TAFA5: variants seen among roughly 807,000 people sequenced by gnomAD.
TAFA5 encodes TAFA chemokine like family member 5.
Under a neutral mutation model 15.3 loss-of-function variants are expected in TAFA5, and 6 were observed. The ratio of observed to expected loss-of-function variants is 0.39; its 90% CI spans 0.21 to 0.77. The LOEUF is 0.77. TAFA5 is among the 30% of genes least tolerant of loss of function. The probability of loss-of-function intolerance (pLI) is 0.41; values close to 1 mark genes in which losing one functional copy is unlikely to be tolerated. For synonymous variants in TAFA5, 103 were observed against 80.7 expected (o/e 1.28, Z -1.48); for missense variants, 161 against 193.1 (o/e 0.83, Z 0.98).
intron 1 of TAFA5, chr22:48,539,385 C>T (rs1922281042): frequency 2.1e-6 from 1 of 471,060 alleles, no homozygotes; most frequent in Non-Finnish European, 4.4e-6. Context: ...GGGCGGTGAT[C>T]ACTCTGAAGT....
At chr22:48,498,329 G>A (rs1920936726) in intron 1 of TAFA5, among the ~76,000 whole-genome samples, 1 of 151,978 alleles carries the variant, frequency 6.6e-6, no homozygotes, top group Non-Finnish European at 1.5e-5. Flanking sequence ...TGCAAGCCTA[G>A]GGGTGGGGCT....
rs566216405 is a variant in TAFA5, at chr22:48,602,072, A to G, written c.113-44525A>G. ...CTGGCACCAGCCTTCATCAAGGGCA[A>G]CTACAGGACCCTCTGGGTGGTGCGA... On this transcript the variant is annotated intron_variant, in intron 1 of 3. Transcript: ENST00000402357. Among the ~76,000 whole-genome samples the G allele has an allele frequency of 4.4e-3, 663 of 152,234 alleles. 8 individuals carry two copies. Among genetic ancestry groups the G allele is most frequent in the Non-Finnish European group, 6.5e-3 (440 of 68,014 alleles).
chr22:48,559,784 G>C (rs940978258), intron 1 of TAFA5, among the ~76,000 whole-genome samples: 6 of 152,120 alleles, frequency 3.9e-5, no homozygotes, highest in Admixed American at 2.0e-4. Context: ...GGAGCAGAGG[G>C]GACAAACCCA....
intron 2 of TAFA5, among the ~76,000 whole-genome samples, chr22:48,674,982 C>T (rs1462530754): frequency 6.6e-6 from 1 of 151,832 alleles, no homozygotes; most frequent in East Asian, 1.9e-4. Context: ...GCTCTGTCAC[C>T]CAGGCTTGGA....
At chr22:48,712,490 G>A (rs1309216875) in intron 3 of TAFA5, among the ~76,000 whole-genome samples, 1 of 152,240 alleles carries the variant, frequency 6.6e-6, no homozygotes, top group Non-Finnish European at 1.5e-5. Context: ...TGTCAGGAGG[G>A]TGAGCGCCCG....
At chr22:48,746,578 G>C (rs926517513) in intron 3 of TAFA5, among the ~76,000 whole-genome samples, 4 of 152,230 alleles carry the variant, frequency 2.6e-5, no homozygotes, top group Non-Finnish European at 5.9e-5. Flanking sequence ...GGAAGTGGGT[G>C]TGTGTTTACA....
chr22:48,669,395 G>A (rs1927729782), intron 2 of TAFA5, among the ~76,000 whole-genome samples: 1 of 152,308 alleles, frequency 6.6e-6, no homozygotes, highest in South Asian at 2.1e-4. Flanking sequence ...CCCCTTTCAA[G>A]CCCAGCCCAC....
intron 1 of TAFA5, among the ~76,000 whole-genome samples, chr22:48,573,958 G>A (rs943629091): frequency 2.6e-5 from 4 of 152,148 alleles, no homozygotes; most frequent in South Asian, 2.1e-4. Context: ...GAAGACCCCC[G>A]AGTCCTCTGA....
At chr22:48,605,007 G>A (rs962063051) in intron 1 of TAFA5, among the ~76,000 whole-genome samples, 2 of 151,248 alleles carry the variant, frequency 1.3e-5, no homozygotes, top group Non-Finnish European at 1.5e-5. Flanking sequence ...AGATCTTGGC[G>A]GTGTTGATGG....
intron 1 of TAFA5, among the ~76,000 whole-genome samples, chr22:48,611,741 C>T (rs1233054826): frequency 6.6e-6 from 1 of 152,194 alleles, no homozygotes; most frequent in East Asian, 1.9e-4. Context: ...CTTCCTCCTC[C>T]CACCTTTTTC....
At chr22:48,689,159 T>G (rs1928459485) in intron 2 of TAFA5, among the ~76,000 whole-genome samples, 1 of 152,116 alleles carries the variant, frequency 6.6e-6, no homozygotes, top group African/African-American at 2.4e-5. Flanking sequence ...CAGCTGCAAA[T>G]GTGCAAGATG....
intron 1 of TAFA5, among the ~76,000 whole-genome samples, chr22:48,519,902 A>G (rs1921544747): frequency 6.6e-6 from 1 of 152,192 alleles, no homozygotes; most frequent in African/African-American, 2.4e-5. Flanking sequence ...TCCCCTCAAC[A>G]TTCATGTCCC....
At chr22:48,659,108 G>A (rs1466736762) in intron 2 of TAFA5, among the ~76,000 whole-genome samples, 1 of 152,250 alleles carries the variant, frequency 6.6e-6, no homozygotes, top group African/African-American at 2.4e-5. Flanking sequence ...GGACCCCGCG[G>A]CGGAGGATCC....
At chr22:48,582,082 ACCTG>A (rs1355460628) in intron 1 of TAFA5, among the ~76,000 whole-genome samples, 3 of 151,998 alleles carry the variant, frequency 2.0e-5, no homozygotes, top group Non-Finnish European at 4.4e-5. Flanking sequence ...GGGAGCCCTG[ACCTG>A]CCTGTCGGGG....
At chr22:48,709,460 C>T (rs1929185598) in intron 3 of TAFA5, among the ~76,000 whole-genome samples, 1 of 152,174 alleles carries the variant, frequency 6.6e-6, no homozygotes, top group South Asian at 2.1e-4. Flanking sequence ...ACACAAACAG[C>T]AGGTGCATTC....
intron 1 of TAFA5, among the ~76,000 whole-genome samples, chr22:48,562,872 CACTTGACAGCTCGGAGACCCT>C (rs1391723781): frequency 6.6e-6 from 1 of 152,176 alleles, no homozygotes. Flanking sequence ...CACGGGGCCC[CACTTGACAGCTCGGAGACCCT>C]CTTTCCTCTC....
chr22:48,725,687 T>A (rs1489744041), intron 3 of TAFA5, among the ~76,000 whole-genome samples: 2 of 109,448 alleles, frequency 1.8e-5, no homozygotes, highest in Non-Finnish European at 2.0e-5. Context: ...AAAACAGTGA[T>A]AAGGAGACTA....
chr22:48,533,904 G>A (rs1233417356), intron 1 of TAFA5, among the ~76,000 whole-genome samples: 3 of 152,226 alleles, frequency 2.0e-5, no homozygotes, highest in Non-Finnish European at 2.9e-5. Flanking sequence ...TGGAAAGGAT[G>A]AGCCTGGCAC....
chr22:48,571,574 G>GTTTTGTTTTTTTT (rs1923586979), intron 1 of TAFA5, among the ~76,000 whole-genome samples: 7 of 29,236 alleles, frequency 2.4e-4, no homozygotes, highest in Non-Finnish European at 3.3e-4. Flanking sequence ...TGCCTGGCCT[G>GTTTTGTTTTTTTT]TTTTTTTTTT....
Sources: gnomAD v4.1 joint callset for allele counts (sites outside exome capture counted in the v4.1 genomes callset) on GRCh38, gnomAD v4.1.1 for gene constraint, MANE v1.5 for transcripts, NCBI Gene and HGNC (gene_info 2026-07-23, HGNC 2026-07-21) for gene names.